Variants in DACH1 observed in about 807,000 individuals in gnomAD.
DACH1 encodes the protein dachshund family transcription factor 1.
DACH1 carries 12 observed loss-of-function variants against 54.2 expected under a neutral mutation model. The observed-to-expected ratio is 0.22, with a 90% CI of 0.14 to 0.36. DACH1 has a LOEUF of 0.36. Among genes scored for constraint, DACH1 ranks in the 10% least tolerant of loss-of-function variants. The pLI, the probability that DACH1 is intolerant of heterozygous loss-of-function variation, is 1.00. For synonymous variants in DACH1, 386 were observed against 366.2 expected, an observed-to-expected ratio of 1.05 and a Z score of -0.62; for missense variants, 805 against 929.8, an observed-to-expected ratio of 0.87 and a Z score of 1.75.
rs1874729642 is a variant in DACH1 at position 71,865,999 on chromosome 13, G to C, written c.771C>G (p.Ile257Met). The change falls in exon 1 of 11, where the codon ATC becomes ATG. Residue 257 changes from isoleucine (I) to methionine (M), a missense_variant. Around this residue, in one of 3 missense-constraint regions of DACH1, gnomAD observed 28 missense variants for 75.7 expected, o/e 0.37. Transcript: ENST00000613252. Reference sequence around the variant, plus strand: ...GTTTGCAGCGGTTCACTCCTGGCTGGATGGCGCCCAGTCCCCTCAGGATGC... The same window carrying C: ...GTTTGCAGCGGTTCACTCCTGGCTGCATGGCGCCCAGTCCCCTCAGGATGC... ...QVRILRGLGAIQPGVNRCKLI... is the reference protein window; with the variant it reads ...QVRILRGLGAMQPGVNRCKLI... 6.2e-7 allele frequency: 1 copy of C among 1,614,012 alleles called. No individual in the cohort carries two copies. The highest frequency in any genetic ancestry group is 8.5e-7 in the Non-Finnish European group (1 of 1,179,996).
intron 3 of DACH1, among the ~76,000 whole-genome samples, chr13:71,602,653 T>C (rs1230964140): frequency 6.6e-6 from 1 of 152,002 alleles, no homozygotes. Context: ...AGTAAAACAC[T>C]GAGCAGAGTC....
chr13:71,785,090 A>G (rs1165273544), intron 1 of DACH1, among the ~76,000 whole-genome samples: 2 of 152,174 alleles, frequency 1.3e-5, no homozygotes, highest in African/African-American at 2.4e-5. Flanking sequence ...CTTATTTTCA[A>G]TTGTGAGAGT....
intron 3 of DACH1, among the ~76,000 whole-genome samples, chr13:71,586,289 A>G (rs1191357790): frequency 6.6e-6 from 1 of 152,162 alleles, no homozygotes; most frequent in Non-Finnish European, 1.5e-5. Context: ...ACACAGTTGG[A>G]GATGCTAAAA....
intron 1 of DACH1, among the ~76,000 whole-genome samples, chr13:71,695,304 T>C (rs984125662): frequency 6.6e-6 from 1 of 152,170 alleles, no homozygotes; most frequent in Non-Finnish European, 1.5e-5. Flanking sequence ...AGACATGTGC[T>C]AGGTGACCCT....
At chr13:71,719,269 G>A (rs1883123479) in intron 1 of DACH1, among the ~76,000 whole-genome samples, 1 of 152,080 alleles carries the variant, frequency 6.6e-6, no homozygotes, top group South Asian at 2.1e-4. Context: ...GCCTTTGTAG[G>A]CCACCTTTGA....
chr13:71,573,273 T>G (rs1451538600), intron 3 of DACH1: 1 of 609,720 alleles, frequency 1.6e-6, no homozygotes, highest in Non-Finnish European at 2.9e-6. Flanking sequence ...AGTCTGAATC[T>G]TGCTTAAAAT....
intron 3 of DACH1, among the ~76,000 whole-genome samples, chr13:71,624,457 G>A (rs995592105): frequency 6.6e-6 from 1 of 151,880 alleles, no homozygotes; most frequent in Non-Finnish European, 1.5e-5. Context: ...CATTTCATGT[G>A]TCAGAATCTT....
chr13:71,472,550 A>G lies in DACH1; in HGVS notation c.2083+2591T>C, dbSNP rs113425383. ...AAAAAATTAAAAAACCTGTGGGCTT[A>G]TTTTGTCTTTCCCAATAAATTGAGT... On this transcript the variant is annotated intron_variant, in intron 10 of 10. Coordinates refer to ENST00000613252, the MANE Select transcript of DACH1 (RefSeq NM_080759.6). Among the ~76,000 whole-genome samples the G allele has an allele frequency of 5.6e-3, 854 of 152,344 alleles. 3 individuals carry two copies. The highest frequency in any genetic ancestry group is 8.9e-3 in the Non-Finnish European group (604 of 68,024).
At chr13:71,771,873 T>C (rs961261489) in intron 1 of DACH1, among the ~76,000 whole-genome samples, 2 of 150,944 alleles carry the variant, frequency 1.3e-5, no homozygotes, top group Admixed American at 1.3e-4. Context: ...TTACCATTTA[T>C]GGTTGAAGAT....
At chr13:71,817,517 T>A (rs73491973) in intron 1 of DACH1, among the ~76,000 whole-genome samples, 2,349 of 152,274 alleles carry the variant, frequency 0.015, 61 homozygotes, top group African/African-American at 0.053. Context: ...AGGCCTGCAC[T>A]CAACAATGTC....
intron 1 of DACH1, among the ~76,000 whole-genome samples, chr13:71,794,855 C>G (rs1886979631): frequency 6.6e-6 from 1 of 152,014 alleles, no homozygotes; most frequent in African/African-American, 2.4e-5. Flanking sequence ...AAGGTAAAAA[C>G]AAAAAACTAA....
rs115421802 is a variant in DACH1, at chr13:71,532,588, G to C, written c.1570+24436C>G. On this transcript the variant is annotated intron_variant, in intron 6 of 10. Transcript: ENST00000613252. ...CTGATGAAGAAAGAGATATTGGGGA[G>C]AACTGAAAGGCGTAAACCTAGCTAA... Among the ~76,000 whole-genome samples the C allele has an allele frequency of 7.9e-3, 1,201 of 152,046 alleles. 16 individuals are homozygous for C. Among genetic ancestry groups the C allele is most frequent in the African/African-American group, 0.027 (1,106 of 41,540 alleles).
chr13:71,618,326 G>A (rs1566382233), intron 3 of DACH1, among the ~76,000 whole-genome samples: 1 of 151,952 alleles, frequency 6.6e-6, no homozygotes, highest in Non-Finnish European at 1.5e-5. Context: ...TTTCTTAGTT[G>A]ATAGAAAAAC....
chr13:71,649,009 G>C (rs138573821), intron 2 of DACH1, among the ~76,000 whole-genome samples: 1 of 152,116 alleles, frequency 6.6e-6, no homozygotes, highest in African/African-American at 2.4e-5. Context: ...TATGTTCCTT[G>C]CCAGAAATTT....
chr13:71,855,069 C>T (rs1208876269), intron 1 of DACH1, among the ~76,000 whole-genome samples: 1 of 151,958 alleles, frequency 6.6e-6, no homozygotes, highest in Non-Finnish European at 1.5e-5. Context: ...GGTATACCTT[C>T]CACTGGCAAT....
chr13:71,477,081 T>A (rs1593755368), intron 8 of DACH1, among the ~76,000 whole-genome samples: 1 of 23,860 alleles, frequency 4.2e-5, no homozygotes, highest in African/African-American at 1.4e-4. Context: ...TTTTTATTAT[T>A]ATATATATAT....
intron 3 of DACH1, among the ~76,000 whole-genome samples, chr13:71,585,904 T>C (rs1278588516): frequency 1.3e-5 from 2 of 151,494 alleles, no homozygotes; most frequent in African/African-American, 4.8e-5. Context: ...ATTGATAAAA[T>C]AGAAAAAAAA....
At chr13:71,503,174 A>G (rs919913141) in intron 6 of DACH1, among the ~76,000 whole-genome samples, 1 of 152,192 alleles carries the variant, frequency 6.6e-6, no homozygotes, top group Non-Finnish European at 1.5e-5. Context: ...ATATATTACC[A>G]GGATCATTTC....
At chr13:71,566,641 A>C (rs879797203) in intron 4 of DACH1, among the ~76,000 whole-genome samples, 2 of 152,160 alleles carry the variant, frequency 1.3e-5, no homozygotes, top group Non-Finnish European at 2.9e-5. Flanking sequence ...ATTATTATAA[A>C]ATCAAGCATT....
Sources: gnomAD v4.1 joint callset for allele counts (sites outside exome capture counted in the v4.1 genomes callset) on GRCh38, gnomAD v4.1.1 for gene constraint, gnomAD v4.1.1 regional missense constraint, MANE v1.5 for transcripts, NCBI Gene and HGNC (gene_info 2026-07-23, HGNC 2026-07-21) for gene names.